ACTN1: variants seen among roughly 807,000 people sequenced by gnomAD.
ACTN1 encodes actinin alpha 1.
ACTN1 carries 30 observed loss-of-function variants against 119.6 expected under a neutral mutation model. The ratio of observed to expected loss-of-function variants is 0.25; its 90% CI spans 0.19 to 0.34. The LOEUF (loss-of-function observed/expected upper bound fraction) is 0.34, where lower values mean the gene tolerates loss of function less well. Ranked by LOEUF, ACTN1 falls within the 10% of genes least tolerant of loss-of-function variation. The pLI is 1.00. For missense variants in ACTN1, 764 were observed against 1,223.4 expected (o/e 0.62, Z 5.60); for synonymous variants, 429 against 472.6 (o/e 0.91, Z 1.20).
chr14:68,944,940 A>C (rs1383231625), intron 1 of ACTN1, among the ~76,000 whole-genome samples: 1 of 147,212 alleles, frequency 6.8e-6, no homozygotes, highest in Non-Finnish European at 1.5e-5. Flanking sequence ...TGTGTGGAGC[A>C]GGTAGCTGTA....
At chr14:68,939,600 G>A (rs1232934065) in intron 1 of ACTN1, among the ~76,000 whole-genome samples, 1 of 152,182 alleles carries the variant, frequency 6.6e-6, no homozygotes, top group Non-Finnish European at 1.5e-5. Flanking sequence ...ACCGAAAGCG[G>A]CTTGATTAGT....
intron 1 of ACTN1, among the ~76,000 whole-genome samples, chr14:68,926,583 T>C (rs1177688363): frequency 6.6e-6 from 1 of 152,216 alleles, no homozygotes; most frequent in Non-Finnish European, 1.5e-5. Flanking sequence ...AACTCCAGAC[T>C]TCTCTGCACC....
intron 1 of ACTN1, among the ~76,000 whole-genome samples, chr14:68,958,847 G>C (rs575136891): frequency 6.6e-6 from 1 of 152,164 alleles, no homozygotes; most frequent in South Asian, 2.1e-4. Context: ...CTTCCTGAAG[G>C]GCCTCATCCC....
chr14:68,899,450 T>G (rs1566614726), intron 8 of ACTN1, among the ~76,000 whole-genome samples: 1 of 113,390 alleles, frequency 8.8e-6, no homozygotes, highest in African/African-American at 3.7e-5. Flanking sequence ...ACACACACCT[T>G]ACACACCACA....
intron 9 of ACTN1, 103 bp from the exon 10 acceptor site, chr14:68,892,386 G>T (rs1177771564): frequency 2.4e-6 from 3 of 1,224,614 alleles, no homozygotes; most frequent in East Asian, 4.8e-5. Context: ...ATGGGGAAGG[G>T]GTCTCTCCTA....
intron 1 of ACTN1, among the ~76,000 whole-genome samples, chr14:68,969,010 A>G (rs1309918923): frequency 2.0e-5 from 3 of 152,228 alleles, no homozygotes; most frequent in East Asian, 1.9e-4. Context: ...CAGGCCCCCC[A>G]GCCAGGCACC....
intron 1 of ACTN1, among the ~76,000 whole-genome samples, chr14:68,934,706 T>C (rs1035661381): frequency 6.6e-6 from 1 of 152,134 alleles, no homozygotes; most frequent in African/African-American, 2.4e-5. Context: ...GAGACAGAAA[T>C]TGTATTAATA....
intron 1 of ACTN1, among the ~76,000 whole-genome samples, chr14:68,977,013 C>A (rs1019137211): frequency 1.3e-5 from 2 of 152,182 alleles, no homozygotes; most frequent in African/African-American, 2.4e-5. Flanking sequence ...GATGTTCAGG[C>A]CGGTGCTCAG....
At chr14:68,978,568 A>G (rs1308345851) in intron 1 of ACTN1, 1 of 286,754 alleles carries the variant, frequency 3.5e-6, no homozygotes, top group South Asian at 3.0e-5. Flanking sequence ...AAGAAAAGGG[A>G]AAATCGATCC....
rs1226764324 is a variant in ACTN1, at chr14:68,874,623, T to C, written c.*236A>G. 1.3e-5 allele frequency: 5 copies of C among 382,982 alleles called. No homozygotes were observed. The highest frequency in any genetic ancestry group is 8.3e-5 in the African/African-American group (4 of 48,316). 23.7% of individuals were successfully genotyped at this position (382,982 alleles called of 1,614,324 possible). On this transcript the variant is annotated 3_prime_UTR_variant, in exon 22 of 22. Coordinates refer to ENST00000394419, the MANE Select transcript of ACTN1 (RefSeq NM_001130004.2). ...CATTTGTCTGGTGGAGAAAAAATAC[T>C]TTTTCTATAATAAAATATGTAGTTT...
chr14:68,945,857 A>G (rs956910454), intron 1 of ACTN1, among the ~76,000 whole-genome samples: 1 of 152,212 alleles, frequency 6.6e-6, no homozygotes, highest in Non-Finnish European at 1.5e-5. Flanking sequence ...GAAAGGTCTG[A>G]GTGGAAGAGC....
intron 1 of ACTN1, among the ~76,000 whole-genome samples, chr14:68,936,189 G>A (rs1369597500): frequency 6.6e-6 from 1 of 152,168 alleles, no homozygotes; most frequent in Non-Finnish European, 1.5e-5. Context: ...GGTTTATTCT[G>A]ATTGGTGGGC....
chr14:68,892,612 T>C (rs2032580636), intron 9 of ACTN1, among the ~76,000 whole-genome samples: 2 of 152,216 alleles, frequency 1.3e-5, no homozygotes, highest in Non-Finnish European at 2.9e-5. Flanking sequence ...TGGGTTTTAG[T>C]ACCAGGTTCT....
chr14:68,916,976 C>T (rs1234134049), intron 3 of ACTN1, among the ~76,000 whole-genome samples: 1 of 152,104 alleles, frequency 6.6e-6, no homozygotes, highest in Non-Finnish European at 1.5e-5. Flanking sequence ...GTATGGCACC[C>T]ACCGCCCCCT....
At chr14:68,917,267 G>A (rs1314666585) in intron 3 of ACTN1, among the ~76,000 whole-genome samples, 1 of 152,146 alleles carries the variant, frequency 6.6e-6, no homozygotes, top group Non-Finnish European at 1.5e-5. Context: ...TCAGGGACAG[G>A]GAACTCATAA....
intron 1 of ACTN1, among the ~76,000 whole-genome samples, chr14:68,950,559 GTCAAACTT>G (rs1566667591): frequency 6.6e-6 from 1 of 150,392 alleles, no homozygotes; most frequent in Admixed American, 6.6e-5. Context: ...CCACAAGCAT[GTCAAACTT>G]TTTTTTTTTT....
rs1246648347 is a variant in ACTN1 at position 68,880,052 on chromosome 14, C to T, written c.2190G>A (p.Glu730=). ...LLTTIARTIN[E]VENQILTRDA... is the part of the protein sequence containing the mutation. ...CCCGGGTCAGGATCTGGTTCTCTAC[C>T]TCATTGATGGTCCTGGCGATGGTGG... The change falls in exon 18 of 22, where the codon GAG becomes GAA. Residue 730 remains glutamate, a synonymous_variant. Transcript: ENST00000394419. The surrounding 1 kb of genome is among the most constrained non-coding windows in gnomAD (Gnocchi z 4.6). 3 of 1,614,202 alleles carry T rather than the reference C, an allele frequency of 1.9e-6. No homozygotes were observed. Among genetic ancestry groups the T allele is most frequent in the Admixed American group, 1.7e-5 (1 of 60,028 alleles).
At position 68,890,257 on chromosome 14, in the gene ACTN1, C is replaced by T. The variant is rs775355173; in HGVS notation, c.1116G>A (p.Glu372=). 1.2e-5 allele frequency: 19 copies of T among 1,614,206 alleles called. No homozygotes were observed. The highest frequency in any genetic ancestry group is 1.3e-5 in the African/African-American group (1 of 75,040). The change falls in exon 11 of 22, where the codon GAG becomes GAA. Residue 372 remains glutamate, a synonymous_variant. Transcript: ENST00000394419. Reference sequence around the variant, plus strand: ...ACTCCTCATAGCCCTTCTCCACCTGCTCCAGGCAGCCCCAGGCATTGTTGA... The same window carrying T: ...ACTCCTCATAGCCCTTCTCCACCTGTTCCAGGCAGCCCCAGGCATTGTTGA... The part of the protein sequence containing the change: ...SDINNAWGCL[E]QVEKGYEEWL...
Position 68,921,123 on chromosome 14 carries a change from C to A in ACTN1, c.223G>T (p.Glu75Ter). 1 of 1,614,052 alleles carries A rather than the reference C, an allele frequency of 6.2e-7. No individual in the cohort carries two copies. Among genetic ancestry groups the A allele is most frequent in the South Asian group, 1.1e-5 (1 of 91,052 alleles). Reference protein sequence around the residue: ...LMLLLEVISGERLAKPERGKM... With the variant: ...LMLLLEVISG ...CCTCGCTCTGGCTTGGCCAAGCGTT[C>A]ACCTGTTTGGATCAAGAGGGAGGAA... The change falls in exon 3 of 22, where the codon GAA (glutamate) becomes TAA (stop). Residue 75 changes from glutamate to a stop codon, truncating the protein, a stop_gained and splice_region_variant. Coordinates refer to ENST00000394419, the MANE Select transcript of ACTN1 (RefSeq NM_001130004.2). LOFTEE classifies it high-confidence loss of function.
Sources: gnomAD v4.1 joint callset for allele counts (sites outside exome capture counted in the v4.1 genomes callset) on GRCh38, gnomAD v4.1.1 for gene constraint, Gnocchi (gnomAD v3.1) non-coding constraint, MANE v1.5 for transcripts, NCBI Gene and HGNC (gene_info 2026-07-23, HGNC 2026-07-21) for gene names.